ADGRV1: variants seen among roughly 807,000 people sequenced by gnomAD.
The protein encoded by ADGRV1 is G-protein coupled receptor 98.
In ADGRV1, 359 loss-of-function variants were observed where a neutral mutation model predicts 596.2. The observed-to-expected ratio is 0.60, with a 90% CI of 0.55 to 0.66. The LOEUF (loss-of-function observed/expected upper bound fraction) is 0.66, where lower values mean the gene tolerates loss of function less well. Ranked by LOEUF, ADGRV1 falls within the 30% of genes least tolerant of loss-of-function variation. The pLI, the probability that ADGRV1 is intolerant of heterozygous loss-of-function variation, is 0.00. For synonymous variants in ADGRV1, 2,681 were observed against 2,679.2 expected (o/e 1.00, Z -0.02); for missense variants, 7,274 against 7,575.6 (o/e 0.96, Z 1.48).
chr5:90,733,805 T>A (rs911093827), intron 50 of ADGRV1, among the ~76,000 whole-genome samples: 2 of 152,190 alleles, frequency 1.3e-5, no homozygotes, highest in Admixed American at 6.6e-5. Context: ...TGAAATGTAC[T>A]CTTAGTTATT....
Position 90,774,294 on chromosome 5 carries a change from C to G in ADGRV1, c.12394C>G (p.Pro4132Ala). 6.5e-7 allele frequency: 1 copy of G among 1,528,566 alleles called. No individual in the cohort carries two copies. Among genetic ancestry groups the G allele is most frequent in the Non-Finnish European group, 9.1e-7 (1 of 1,102,708 alleles). 94.7% of individuals were successfully genotyped at this position (1,528,566 alleles called of 1,614,324 possible). A position where few individuals can be genotyped will look rare whatever the true frequency, so the allele number is the denominator to read the frequency against. The change falls in exon 60 of 90, where the codon CCA (proline) becomes GCA (alanine). Residue 4132 changes from proline (P) to alanine (A), a missense_variant. Physicochemically the swap from Pro to Ala is conservative, Grantham distance 27. Around this residue, in one of 5 missense-constraint regions of ADGRV1, gnomAD observed 3,643 missense variants for 3,809.2 expected, o/e 0.96. Transcript: ENST00000405460. ...LISIDEVEIS[P>A]VKGSASIIIR... Reference sequence around the variant, plus strand: ...ATCAATTGATGAGGTAGAAATATCTCCAGTAAAAGGTAAGAGAAATTCACA... The same window carrying G: ...ATCAATTGATGAGGTAGAAATATCTGCAGTAAAAGGTAAGAGAAATTCACA...
intron 85 of ADGRV1, among the ~76,000 whole-genome samples, chr5:91,044,251 G>A (rs1828177): frequency 0.35 from 53,144 of 151,852 alleles, 9,536 homozygotes; most frequent in East Asian, 0.51. Flanking sequence ...ATTGTCTGCA[G>A]TGATTCACAA....
intron 41 of ADGRV1, among the ~76,000 whole-genome samples, chr5:90,711,935 C>A (rs1046750902): frequency 6.6e-6 from 1 of 152,010 alleles, no homozygotes; most frequent in Non-Finnish European, 1.5e-5. Context: ...CACCACCATG[C>A]TAATTTTTTT....
At chr5:91,030,671 A>T (rs922714572) in intron 85 of ADGRV1, among the ~76,000 whole-genome samples, 1 of 152,118 alleles carries the variant, frequency 6.6e-6, no homozygotes, top group Non-Finnish European at 1.5e-5. Context: ...TCCCCAAAGG[A>T]AAAATTTCTG....
At chr5:91,102,120 G>C in intron 86 of ADGRV1, 99 bp from the exon 87 acceptor site, 11 of 1,039,216 alleles carry the variant, frequency 1.1e-5, no homozygotes. Context: ...CTCTCAAAAT[G>C]GGCACTAGAA....
chr5:91,136,675 A>G (rs1283407619), intron 87 of ADGRV1, among the ~76,000 whole-genome samples: 1 of 152,246 alleles, frequency 6.6e-6, no homozygotes, highest in African/African-American at 2.4e-5. Context: ...CATGGAAGTA[A>G]TTGGTATTGA....
chr5:90,595,617 C>T (rs1760323596), intron 1 of ADGRV1, among the ~76,000 whole-genome samples: 1 of 126,418 alleles, frequency 7.9e-6, no homozygotes, highest in African/African-American at 3.4e-5. Context: ...GGGGGGCTGA[C>T]CCCCCCACCT....
chr5:91,000,200 A>C (rs1781745006), intron 85 of ADGRV1, among the ~76,000 whole-genome samples: 1 of 151,938 alleles, frequency 6.6e-6, no homozygotes, highest in African/African-American at 2.4e-5. Context: ...TGCTTATTTC[A>C]CTCAATGTTA....
At chr5:90,819,873 T>C (rs1354174283) in intron 75 of ADGRV1, among the ~76,000 whole-genome samples, 3 of 152,148 alleles carry the variant, frequency 2.0e-5, no homozygotes, top group Non-Finnish European at 4.4e-5. Context: ...GGTGTGGTGC[T>C]GAAAAAAATG....
intron 83 of ADGRV1, among the ~76,000 whole-genome samples, chr5:90,956,909 A>G (rs562925412): frequency 7.9e-5 from 12 of 152,334 alleles, no homozygotes; most frequent in Non-Finnish European, 1.6e-4. Flanking sequence ...GATGCTATCA[A>G]TAACAGCAAA....
At chr5:90,835,189 G>A (rs1750694890) in intron 77 of ADGRV1, among the ~76,000 whole-genome samples, 3 of 152,144 alleles carry the variant, frequency 2.0e-5, no homozygotes, top group Admixed American at 6.5e-5. Flanking sequence ...AGTTTTTCCA[G>A]ATATTTGAAG....
At position 90,864,236 on chromosome 5, in the gene ADGRV1, CTT is replaced by C. The variant is rs529608912; in HGVS notation, c.17856+382_17856+383del. On this transcript the variant is annotated intron_variant, in intron 83 of 89. Transcript: ENST00000405460. ...GTTTAGGGCATTAAGATGATATAAA[CTT>C]TTAAAGCATCTGGACACTATGTATT... 8.7e-4 allele frequency among the ~76,000 whole-genome samples: 132 copies of C among 152,188 alleles called. 3 individuals carry two copies. The highest frequency in any genetic ancestry group is 8.4e-3 in the Admixed American group (128 of 15,276).
rs1763194306 is a variant in ADGRV1 at position 90,615,054 on chromosome 5, T to C, written c.207+35T>C. 3 of 1,294,388 alleles carry C rather than the reference T, an allele frequency of 2.3e-6. No individual in the cohort carries two copies. The Admixed American group carries it at 9.7e-5, about 42-fold the overall frequency. 80.2% of individuals were successfully genotyped at this position (1,294,388 alleles called of 1,614,324 possible). A position where few individuals can be genotyped will look rare whatever the true frequency, so the allele number is the denominator to read the frequency against. On this transcript the variant is annotated intron_variant, in intron 2 of 89. Transcript: ENST00000405460. ...TATTATAGCTCTATTTTTACTGAAATAGATATGACGTTTCTTAGTTTTAAT... is the reference window on the plus strand; with the variant it reads ...TATTATAGCTCTATTTTTACTGAAACAGATATGACGTTTCTTAGTTTTAAT...
At position 90,685,941 on chromosome 5, in the gene ADGRV1, G is replaced by C. The variant is rs967810918; in HGVS notation, c.6436G>C (p.Ala2146Pro). The change falls in exon 29 of 90, where the codon GCA becomes CCA. Residue 2146 changes from alanine (A) to proline (P), a missense_variant. This residue lies in a region of ADGRV1 where 3,643 missense variants were observed against 3,809.2 expected (regional missense o/e 0.96). Transcript: ENST00000405460. ...PIINVTRTGGAFADVSVKFKA... is the reference protein window; with the variant it reads ...PIINVTRTGGPFADVSVKFKA... ...TATCAATGTGACTAGAACAGGAGGA[G>C]CATTTGCAGATGTCTCTGTGAAGTT... 6.2e-7 allele frequency: 1 copy of C among 1,607,452 alleles called. No homozygotes were observed.
intron 72 of ADGRV1, among the ~76,000 whole-genome samples, chr5:90,807,007 C>T (rs1371235185): frequency 6.6e-6 from 1 of 152,028 alleles, no homozygotes; most frequent in Non-Finnish European, 1.5e-5. Context: ...CTCGCACCAC[C>T]ATGCCTGGCT....
intron 83 of ADGRV1, among the ~76,000 whole-genome samples, chr5:90,895,113 T>G (rs2150600769): frequency 6.6e-6 from 1 of 152,042 alleles, no homozygotes; most frequent in South Asian, 2.1e-4. Flanking sequence ...TATTTTTTAT[T>G]TTTGTAGAGA....
At chr5:91,066,094 T>C (rs1787860637) in intron 85 of ADGRV1, among the ~76,000 whole-genome samples, 1 of 152,186 alleles carries the variant, frequency 6.6e-6, no homozygotes, top group Non-Finnish European at 1.5e-5. Flanking sequence ...AGGAAGCAAA[T>C]CCACATGGCC....
intron 83 of ADGRV1, among the ~76,000 whole-genome samples, chr5:90,964,289 A>G (rs1476318071): frequency 6.6e-6 from 1 of 152,208 alleles, no homozygotes; most frequent in South Asian, 2.1e-4. Context: ...GTTTTAAGGC[A>G]TAAGTCAACT....
At chr5:91,142,652 C>T (rs184867342) in intron 87 of ADGRV1, among the ~76,000 whole-genome samples, 1 of 152,312 alleles carries the variant, frequency 6.6e-6, no homozygotes, top group Admixed American at 6.5e-5. Context: ...TTTCCTATCT[C>T]ATACGGAACT....
Sources: allele counts gnomAD v4.1 joint callset (sites outside exome capture counted in the v4.1 genomes callset), GRCh38; gene constraint gnomAD v4.1.1; regional missense constraint gnomAD v4.1.1; transcripts MANE v1.5; gene names NCBI Gene and HGNC (gene_info 2026-07-23, HGNC 2026-07-21).